The following PROB1 variants were observed in gnomAD, a reference collection of about 807,000 sequenced individuals.
PROB1 encodes the protein proline rich basic protein 1.
For missense variants in PROB1, 1,453 were observed against 1,485.7 expected (o/e 0.98, Z 0.36); for synonymous variants, 660 against 699.3 (o/e 0.94, Z 0.89).
Position 139,394,994 on chromosome 5 carries a change from A to AACCGGAGGAGTCCTGGCGC in PROB1, c.69_87dup (p.Ser30AlafsTer55). On this transcript the variant is annotated frameshift_variant, in exon 1 of 1. Coordinates refer to ENST00000434752, the MANE Select transcript of PROB1 (RefSeq NM_001161546.2). LOFTEE classifies it low-confidence loss of function (END_TRUNC). Reference sequence around the variant, plus strand: ...GGAGCCGTGTAGTAGGAGCCTGACGAACCGGAGGAGTCCTGGCGCCGCGCG... The same window carrying AACCGGAGGAGTCCTGGCGC: ...GGAGCCGTGTAGTAGGAGCCTGACGAACCGGAGGAGTCCTGGCGCACCGGAGGAGTCCTGGCGCCGCGCG... The AACCGGAGGAGTCCTGGCGC allele has an allele frequency of 6.7e-7, 1 of 1,497,278 alleles. No homozygotes were observed. Among genetic ancestry groups the AACCGGAGGAGTCCTGGCGC allele is most frequent in the Non-Finnish European group, 8.9e-7 (1 of 1,125,834 alleles). 92.7% of individuals were successfully genotyped at this position (1,497,278 alleles called of 1,614,324 possible). A position where few individuals can be genotyped will look rare whatever the true frequency, so the allele number is the denominator to read the frequency against.
In PROB1 at chr5:139,394,023, C is replaced by T. The variant is rs1302794423; in HGVS notation, c.1059G>A (p.Ala353=). ...FLQSEEKIQE[A]RKTRFPREAP... ...CCTCTCGCGGGAACCGAGTCTTCCG[C>T]GCCTCCTGGATCTTCTCCTCTGACT... Residue 353 remains alanine, a synonymous_variant, in exon 1 of 1, where the codon GCG becomes GCA. Coordinates refer to ENST00000434752, the MANE Select transcript of PROB1 (RefSeq NM_001161546.2). 1.3e-6 allele frequency: 2 copies of T among 1,550,704 alleles called. No individual in the cohort carries two copies. Among genetic ancestry groups the T allele is most frequent in the Admixed American group, 2.0e-5 (1 of 51,014 alleles).
In PROB1 at chr5:139,393,026, C is replaced by A; in HGVS notation, c.2056G>T (p.Asp686Tyr). ...PAHYTSVFIK[D>Y]FLPVVPHPYE... ...GGGTGCGGCACCACCGGTAGAAAAT[C>A]CTTGATGAAAACGGAAGTGTAGTGA... The change falls in exon 1 of 1, where the codon GAT (aspartate) becomes TAT (tyrosine). Residue 686 changes from aspartate (D) to tyrosine (Y), a missense_variant. Transcript: ENST00000434752. 2.0e-6 allele frequency: 3 copies of A among 1,527,358 alleles called. No homozygotes were observed. The highest frequency in any genetic ancestry group is 2.6e-6 in the Non-Finnish European group (3 of 1,135,636). The allele number at this position is 1,527,358 out of a possible 1,614,324, so 94.6% of individuals were successfully genotyped here. A position where few individuals can be genotyped will look rare whatever the true frequency, so the allele number is the denominator to read the frequency against.
At position 139,394,042 on chromosome 5, in the gene PROB1, T is replaced by G. The variant is rs1026652111; in HGVS notation, c.1040A>C (p.Glu347Ala). The change falls in exon 1 of 1, where the codon GAG becomes GCG. Residue 347 changes from glutamate (E) to alanine (A), a missense_variant. Transcript: ENST00000434752. The part of the protein sequence containing the change: ...PVSSSIFLQS[E>A]EKIQEARKTR... ...CTTCCGCGCCTCCTGGATCTTCTCC[T>G]CTGACTGAAGGAAGATGCTGGAACT... 3 of 1,550,616 alleles carry G rather than the reference T, an allele frequency of 1.9e-6. No homozygotes were observed. The highest frequency in any genetic ancestry group is 2.7e-5 in the African/African-American group (2 of 73,068).
In PROB1 at chr5:139,391,970, G is replaced by T; in HGVS notation, c.*64C>A. ...GCGACGGAAGGAGAGGAGGGTAGGGGCTTGGATGCCAGAACCTCCCAGGCA... is the reference window on the plus strand; with the variant it reads ...GCGACGGAAGGAGAGGAGGGTAGGGTCTTGGATGCCAGAACCTCCCAGGCA... On this transcript the variant is annotated 3_prime_UTR_variant, in exon 1 of 1. Coordinates refer to ENST00000434752, the MANE Select transcript of PROB1 (RefSeq NM_001161546.2). This position sits in a 1 kb window ranked among gnomAD's most constrained non-coding sequence, Gnocchi z 4.8. 7.9e-7 allele frequency: 1 copy of T among 1,265,616 alleles called. No individual in the cohort carries two copies. The highest frequency in any genetic ancestry group is 1.0e-6 in the Non-Finnish European group (1 of 979,258). The allele number at this position is 1,265,616 out of a possible 1,614,324, so 78.4% of individuals were successfully genotyped here.
chr5:139,392,459 C>G lies in PROB1; in HGVS notation c.2623G>C (p.Gly875Arg). The G allele has an allele frequency of 5.0e-6, 7 of 1,402,122 alleles. No homozygotes were observed. The highest frequency in any genetic ancestry group is 4.6e-5 in the South Asian group (3 of 65,930). 86.9% of individuals were successfully genotyped at this position (1,402,122 alleles called of 1,614,324 possible). The change falls in exon 1 of 1, where the codon GGG becomes CGG. Residue 875 changes from glycine (G) to arginine (R), a missense_variant. By Grantham distance (125) the Gly-to-Arg change is moderately radical. Coordinates refer to ENST00000434752, the MANE Select transcript of PROB1 (RefSeq NM_001161546.2). This position sits in a 1 kb window ranked among gnomAD's most constrained non-coding sequence, Gnocchi z 5.8. ...SPSQGARRQP[G>R]AAPLGKVLVD... ...AAGACCTTCCCCAGGGGCGCGGCCC[C>G]GGGCTGCCTGCGCGCTCCCTGGGAG... is the stretch of plus-strand genomic sequence containing the variant.
In PROB1 at chr5:139,393,066, C is replaced by T; in HGVS notation, c.2016G>A (p.Gly672=). ...ESKTQEPPAL[G]PPAPAHYTSV... ...AAGTGTAGTGAGCCGGGGCGGGGGG[C>T]CCCAGTGCTGGCGGCTCTTGCGTCT... Residue 672 remains glycine (G), a synonymous_variant, in exon 1 of 1, where the codon GGG becomes GGA. Transcript: ENST00000434752. The T allele has an allele frequency of 6.5e-7, 1 of 1,529,184 alleles. No individual in the cohort carries two copies. Among genetic ancestry groups the T allele is most frequent in the Non-Finnish European group, 8.8e-7 (1 of 1,137,278 alleles). 94.7% of individuals were successfully genotyped at this position (1,529,184 alleles called of 1,614,324 possible).
chr5:139,392,156 C>G lies in PROB1; in HGVS notation c.2926G>C (p.Asp976His). 1 of 1,413,782 alleles carries G rather than the reference C, an allele frequency of 7.1e-7. No individual in the cohort carries two copies. Among genetic ancestry groups the G allele is most frequent in the Non-Finnish European group, 9.3e-7 (1 of 1,080,028 alleles). 87.6% of individuals were successfully genotyped at this position (1,413,782 alleles called of 1,614,324 possible). ...LPWVSEAGPL[D>H]GTYYLPVSGT... is the part of the protein sequence containing the mutation. ...CTCACCGGCAGGTAGTAGGTCCCGT[C>G]CAGGGGCCCTGCCTCAGAGACCCAG... The change falls in exon 1 of 1, where the codon GAC becomes CAC. Residue 976 changes from aspartate (D) to histidine (H), a missense_variant. Asp to His is a moderately conservative substitution (Grantham distance 81, BLOSUM62 -1). Transcript: ENST00000434752. The surrounding 1 kb of genome is among the most constrained non-coding windows in gnomAD (Gnocchi z 5.8).
In PROB1 at chr5:139,393,607, G is replaced by A. The variant is rs111342748; in HGVS notation, c.1475C>T (p.Pro492Leu). 1 of 1,548,474 alleles carries A rather than the reference G, an allele frequency of 6.5e-7. No homozygotes were observed. The highest frequency in any genetic ancestry group is 2.5e-5 in the East Asian group (1 of 40,756). ...PHSAVADAVE[P>L]RSSPSPPAFF... ...GGCCGGCGGGGACGGGCTGCTACGT[G>A]GCTCCACCGCATCCGCGACTGCCGA... Residue 492 changes from proline (P) to leucine (L), a missense_variant, in exon 1 of 1, where the codon CCA becomes CTA. By Grantham distance (98) the Pro-to-Leu change is moderately conservative. Transcript: ENST00000434752.
Position 139,393,466 on chromosome 5 carries a change from T to G in PROB1, c.1616A>C (p.Asn539Thr). 1 of 1,551,624 alleles carries G rather than the reference T, an allele frequency of 6.4e-7. No individual in the cohort carries two copies. The highest frequency in any genetic ancestry group is 8.7e-7 in the Non-Finnish European group (1 of 1,146,986). The change falls in exon 1 of 1, where the codon AAT (asparagine) becomes ACT (threonine). Residue 539 changes from asparagine (N) to threonine (T), a missense_variant. Transcript: ENST00000434752. ...TGCCAACTCCTCCTGAGTTAACCCA[T>G]TCTGAGCTTCCTGAGTAAATGCTAT... is the stretch of plus-strand genomic sequence containing the variant. Reference protein sequence around the residue: ...SSIAFTQEAQNGLTQEELAPP... With the variant: ...SSIAFTQEAQTGLTQEELAPP...
In PROB1 at chr5:139,392,545, G is replaced by A. The variant is rs1488624840; in HGVS notation, c.2537C>T (p.Thr846Met). The A allele has an allele frequency of 4.5e-6, 6 of 1,347,846 alleles. No individual in the cohort carries two copies. The highest frequency in any genetic ancestry group is 1.9e-5 in the South Asian group (1 of 52,906). 83.5% of individuals were successfully genotyped at this position (1,347,846 alleles called of 1,614,324 possible). ...GGCAGCGCGGGGCTGGGCTGGGGCC[G>A]TCCTGCCCGCCAACGCCAGGGGCTC... ...PREPLALAGRTAPAQPRAASA... is the reference protein window; with the variant it reads ...PREPLALAGRMAPAQPRAASA... The change falls in exon 1 of 1, where the codon ACG (threonine) becomes ATG (methionine). Residue 846 changes from threonine (T) to methionine (M), a missense_variant. By Grantham distance (81) the Thr-to-Met change is moderately conservative. Coordinates refer to ENST00000434752, the MANE Select transcript of PROB1 (RefSeq NM_001161546.2). The surrounding 1 kb of genome is among the most constrained non-coding windows in gnomAD (Gnocchi z 5.8).
rs1758660014 is a variant in PROB1, at chr5:139,394,512, C to T, written c.570G>A (p.Glu190=). 6.9e-7 allele frequency: 1 copy of T among 1,448,372 alleles called. No homozygotes were observed. The highest frequency in any genetic ancestry group is 9.0e-7 in the Non-Finnish European group (1 of 1,108,886). 89.7% of individuals were successfully genotyped at this position (1,448,372 alleles called of 1,614,324 possible). The change falls in exon 1 of 1, where the codon GAG becomes GAA. Residue 190 remains glutamate (E), a synonymous_variant. Transcript: ENST00000434752. ...GCGCGGCGCCCTCCTCCAGAGCCAC[C>T]TCCACACACTCGAACTGCGCTGGGG... The part of the protein sequence containing the change: ...PAAPAQFECV[E]VALEEGAAPA...
chr5:139,394,423 G>C lies in PROB1; in HGVS notation c.659C>G (p.Pro220Arg). ...IELRPRPQSP[P>R]RAAGAPRPRL... Reference sequence around the variant, plus strand: ...GGGGCGCGGCGCGCCGGCCGCCCTTGGGGGACTCTGGGGCCGGGGGCGCAG... The same window carrying C: ...GGGGCGCGGCGCGCCGGCCGCCCTTCGGGGACTCTGGGGCCGGGGGCGCAG... The change falls in exon 1 of 1, where the codon CCA becomes CGA. Residue 220 changes from proline to arginine, a missense_variant. By Grantham distance (103) the Pro-to-Arg change is moderately radical (BLOSUM62 -2). Transcript: ENST00000434752. 1 of 1,395,976 alleles carries C rather than the reference G, an allele frequency of 7.2e-7. No homozygotes were observed. Among genetic ancestry groups the C allele is most frequent in the Non-Finnish European group, 9.2e-7 (1 of 1,084,136 alleles). 86.5% of individuals were successfully genotyped at this position (1,395,976 alleles called of 1,614,324 possible).
Position 139,394,396 on chromosome 5 carries a change from CG to C in PROB1, c.685del (p.Arg229GlyfsTer31). On this transcript the variant is annotated frameshift_variant, in exon 1 of 1. Transcript: ENST00000434752. LOFTEE classifies it low-confidence loss of function (END_TRUNC). ...CAGGGAACCGGTGCGCAGGAGCAGC[CG>C]GGGGCGCGGCGCGCCGGCCGCCCTT... ...PPRAAGAPRP[R>X]LLLRTGSLDE... The C allele has an allele frequency of 7.2e-7, 1 of 1,391,124 alleles. No individual in the cohort carries two copies. The allele number at this position is 1,391,124 out of a possible 1,614,324, so 86.2% of individuals were successfully genotyped here. A position where few individuals can be genotyped will look rare whatever the true frequency, so the allele number is the denominator to read the frequency against.
rs1254797954 is a variant in PROB1, at chr5:139,392,038, A to G, written c.3044T>C (p.Leu1015Pro). The G allele has an allele frequency of 2.0e-5, 28 of 1,391,678 alleles. No homozygotes were observed. The highest frequency in any genetic ancestry group is 3.0e-5 in the African/African-American group (2 of 65,978). 86.2% of individuals were successfully genotyped at this position (1,391,678 alleles called of 1,614,324 possible). The change falls in exon 1 of 1, where the codon CTG becomes CCG. Residue 1015 changes from leucine (L) to proline (P), a missense_variant. Transcript: ENST00000434752. This position sits in a 1 kb window ranked among gnomAD's most constrained non-coding sequence, Gnocchi z 5.8. ...TQPGKGSLFPL is the reference protein window; with the variant it reads ...TQPGKGSLFPP ...CATGGGGATCGGCCCGGGGCCTCAC[A>G]GCGGGAACAATGAACCCTTGCCGGG...
chr5:139,393,415 G>A lies in PROB1; in HGVS notation c.1667C>T (p.Thr556Ile). 1 of 1,551,690 alleles carries A rather than the reference G, an allele frequency of 6.4e-7. No homozygotes were observed. Among genetic ancestry groups the A allele is most frequent in the Non-Finnish European group, 8.7e-7 (1 of 1,146,996 alleles). ...ACTCTGCATCTCTGTTGGTTCTGGAGTGCCGGGTGCGGACGGTGTAGGCGG... is the reference window on the plus strand; with the variant it reads ...ACTCTGCATCTCTGTTGGTTCTGGAATGCCGGGTGCGGACGGTGTAGGCGG... ...LAPPTPSAPG[T>I]PEPTEMQSPS... Residue 556 changes from threonine to isoleucine, a missense_variant, in exon 1 of 1, where the codon ACT becomes ATT. Coordinates refer to ENST00000434752, the MANE Select transcript of PROB1 (RefSeq NM_001161546.2).
Position 139,393,039 on chromosome 5 carries a change from G to A in PROB1, c.2043C>T (p.Ser681=). The change falls in exon 1 of 1, where the codon TCC becomes TCT. Residue 681 remains serine, a synonymous_variant. Transcript: ENST00000434752. ...LGPPAPAHYT[S]VFIKDFLPVV... The stretch of plus-strand genomic sequence containing the variant: ...CCGGTAGAAAATCCTTGATGAAAAC[G>A]GAAGTGTAGTGAGCCGGGGCGGGGG... 6.5e-7 allele frequency: 1 copy of A among 1,529,620 alleles called. No homozygotes were observed. Among genetic ancestry groups the A allele is most frequent in the Non-Finnish European group, 8.8e-7 (1 of 1,136,688 alleles). 94.8% of individuals were successfully genotyped at this position (1,529,620 alleles called of 1,614,324 possible).
chr5:139,394,472 TC>T lies in PROB1; in HGVS notation c.609del (p.Thr204GlnfsTer56), dbSNP rs751194591. The T allele has an allele frequency of 1.7e-5, 24 of 1,422,120 alleles. No individual in the cohort carries two copies. The highest frequency in any genetic ancestry group is 2.1e-5 in the Non-Finnish European group (23 of 1,096,580). The allele number at this position is 1,422,120 out of a possible 1,614,324, so 88.1% of individuals were successfully genotyped here. Reference protein sequence around the residue: ...LEEGAAPARPRTVPKRQIELR... With the variant: ...LEEGAAPARPXTVPKRQIELR... ...AGCTCGATCTGACGCTTGGGCACTG[TC>T]CGGGGCCTGGCGGGCGCGGCGCCCT... On this transcript the variant is annotated frameshift_variant, in exon 1 of 1. Coordinates refer to ENST00000434752, the MANE Select transcript of PROB1 (RefSeq NM_001161546.2). LOFTEE classifies it low-confidence loss of function (END_TRUNC).
At position 139,392,441 on chromosome 5, in the gene PROB1, T is replaced by C. The variant is rs1489774546; in HGVS notation, c.2641A>G (p.Lys881Glu). ...RRQPGAAPLG[K>E]VLVDPESGRY... The stretch of plus-strand genomic sequence containing the variant: ...CCGCTCTCGGGGTCCACCAAGACCT[T>C]CCCCAGGGGCGCGGCCCCGGGCTGC... The change falls in exon 1 of 1, where the codon AAG becomes GAG. Residue 881 changes from lysine (K) to glutamate (E), a missense_variant. Lys to Glu is a moderately conservative substitution (Grantham distance 56). Coordinates refer to ENST00000434752, the MANE Select transcript of PROB1 (RefSeq NM_001161546.2). This position sits in a 1 kb window ranked among gnomAD's most constrained non-coding sequence, Gnocchi z 5.8. 5 of 1,435,648 alleles carry C rather than the reference T, an allele frequency of 3.5e-6. No homozygotes were observed. Among genetic ancestry groups the C allele is most frequent in the Non-Finnish European group, 4.6e-6 (5 of 1,094,862 alleles). 88.9% of individuals were successfully genotyped at this position (1,435,648 alleles called of 1,614,324 possible).
At position 139,394,706 on chromosome 5, in the gene PROB1, C is replaced by T. The variant is rs776292607; in HGVS notation, c.376G>A (p.Ala126Thr). 151 of 1,532,594 alleles carry T rather than the reference C, an allele frequency of 9.9e-5. 1 individual carries two copies. Among genetic ancestry groups the T allele is most frequent in the Non-Finnish European group, 1.3e-4 (146 of 1,144,550 alleles). The allele number at this position is 1,532,594 out of a possible 1,614,324, so 94.9% of individuals were successfully genotyped here. Residue 126 changes from alanine to threonine, a missense_variant, in exon 1 of 1, where the codon GCA (alanine) becomes ACA (threonine). Physicochemically the swap from Ala to Thr is moderately conservative, Grantham distance 58. Coordinates refer to ENST00000434752, the MANE Select transcript of PROB1 (RefSeq NM_001161546.2). ...TGTTGTTGCGCCTCGCGATCGTCTG[C>T]GCCGGAGCAGCCGAACAGGGGTCCG... ...GVGPLFGCSG[A>T]DDREAQQQFT...
Sources: gnomAD v4.1 joint callset for allele counts on GRCh38, gnomAD v4.1.1 for gene constraint, Gnocchi (gnomAD v3.1) non-coding constraint, MANE v1.5 for transcripts, NCBI Gene and HGNC (gene_info 2026-07-23, HGNC 2026-07-21) for gene names.